Variants in LCLAT1 observed in about 807,000 individuals in gnomAD.
LCLAT1 encodes the protein lysocardiolipin acyltransferase 1.
A neutral mutation model predicts 30.7 loss-of-function variants in LCLAT1; 11 were observed. The ratio of observed to expected loss-of-function variants is 0.36; its 90% CI spans 0.23 to 0.59. The LOEUF (loss-of-function observed/expected upper bound fraction) is 0.59. Among genes scored for constraint, LCLAT1 ranks in the 20% least tolerant of loss-of-function variants. The pLI is 0.77. For synonymous variants in LCLAT1, 155 were observed against 151.3 expected (o/e 1.02, Z -0.18); for missense variants, 402 against 458.6 (o/e 0.88, Z 1.13).
At chr2:30,459,595 A>C (rs775008421) in intron 1 of LCLAT1, 7 of 1,564,576 alleles carry the variant, frequency 4.5e-6, no homozygotes, top group Non-Finnish European at 6.2e-6. Context: ...AGCTGGCAAC[A>C]AATGGATGAT....
chr2:30,620,559 A>G (rs1444699467), intron 5 of LCLAT1, among the ~76,000 whole-genome samples: 10 of 152,328 alleles, frequency 6.6e-5, no homozygotes, highest in Non-Finnish European at 1.2e-4. Flanking sequence ...TCCATTTTGC[A>G]TATAGCTATT....
intron 3 of LCLAT1, among the ~76,000 whole-genome samples, chr2:30,549,145 C>G (rs1489655491): frequency 6.6e-6 from 1 of 152,176 alleles, no homozygotes; most frequent in Non-Finnish European, 1.5e-5. Context: ...CTGAACAGAG[C>G]TGAAGCCCTG....
intron 3 of LCLAT1, among the ~76,000 whole-genome samples, chr2:30,539,248 CTTTTTTTTTT>C (rs72012748): frequency 2.2e-5 from 2 of 90,874 alleles, no homozygotes; most frequent in African/African-American, 9.6e-5. Flanking sequence ...CGCGCCAGGC[CTTTTTTTTTT>C]TTTTTTTTTT....
intron 1 of LCLAT1, among the ~76,000 whole-genome samples, chr2:30,524,363 G>T (rs1309904937): frequency 1.3e-5 from 2 of 152,132 alleles, no homozygotes; most frequent in African/African-American, 2.4e-5. Flanking sequence ...CTAATATAAA[G>T]AATTAATATT....
At chr2:30,512,323 ACTC>A (rs1264534518) in intron 1 of LCLAT1, among the ~76,000 whole-genome samples, 3 of 151,874 alleles carry the variant, frequency 2.0e-5, no homozygotes, top group Non-Finnish European at 4.4e-5. Context: ...ATGCTTTGTA[ACTC>A]CTCATTTTCC....
rs536815234 is a variant in LCLAT1 at position 30,601,318 on chromosome 2, G to T, written c.628+33142G>T. Among the ~76,000 whole-genome samples, 3 of 152,216 alleles carry T rather than the reference G, an allele frequency of 2.0e-5. No individual in the cohort carries two copies. In the South Asian group the frequency reaches 6.2e-4, roughly 32 times the overall value. On this transcript the variant is annotated intron_variant, in intron 5 of 5. Coordinates refer to ENST00000379509, the MANE Select transcript of LCLAT1 (RefSeq NM_001002257.3). ...GGTTTCAAATAATCTGTATAGTTTT[G>T]CAAAAGAGCTCCTGAATTTTGGGAT...
At chr2:30,527,116 T>C (rs1424888231) in intron 2 of LCLAT1, among the ~76,000 whole-genome samples, 1 of 152,208 alleles carries the variant, frequency 6.6e-6, no homozygotes, top group Non-Finnish European at 1.5e-5. Context: ...CACAAGTAGA[T>C]ACTTCTAAAA....
chr2:30,585,916 C>T (rs1201707015), intron 5 of LCLAT1, among the ~76,000 whole-genome samples: 2 of 152,114 alleles, frequency 1.3e-5, no homozygotes, highest in African/African-American at 4.8e-5. Context: ...TATTAATTTT[C>T]TAGGGCTGCT....
chr2:30,587,615 T>C (rs550418457), intron 5 of LCLAT1, among the ~76,000 whole-genome samples: 21 of 152,350 alleles, frequency 1.4e-4, no homozygotes, highest in Non-Finnish European at 2.6e-4. Flanking sequence ...ATTATCTAAT[T>C]TGATTTTTCA....
At position 30,504,052 on chromosome 2, in the gene LCLAT1, T is replaced by C. The variant is rs560315722; in HGVS notation, c.-4-21535T>C. ...AGTTGTGAGCAGAGAAAATTTCTGC[T>C]AGAACTTTCTTCATGCTTAAGGGAC... On this transcript the variant is annotated intron_variant, in intron 1 of 5. Transcript: ENST00000379509. Among the ~76,000 whole-genome samples the C allele has an allele frequency of 7.3e-4, 111 of 152,014 alleles. 1 individual carries two copies. The highest frequency in any genetic ancestry group is 2.5e-3 in the African/African-American group (102 of 41,482).
At chr2:30,494,693 C>T (rs1478786592) in intron 1 of LCLAT1, among the ~76,000 whole-genome samples, 1 of 150,374 alleles carries the variant, frequency 6.7e-6, no homozygotes, top group African/African-American at 2.4e-5. Context: ...TTTTAAACGT[C>T]TGCAGTAGCT....
chr2:30,529,205 C>G (rs1685874894), intron 2 of LCLAT1, among the ~76,000 whole-genome samples: 1 of 152,124 alleles, frequency 6.6e-6, no homozygotes, highest in Non-Finnish European at 1.5e-5. Flanking sequence ...ACAAAATGAT[C>G]TTCTCTTTCA....
chr2:30,560,407 C>T (rs1165711131), intron 3 of LCLAT1, among the ~76,000 whole-genome samples: 6 of 151,920 alleles, frequency 3.9e-5, no homozygotes, highest in Admixed American at 6.6e-5. Context: ...GGTACGATCT[C>T]AGCTCACTGC....
At chr2:30,481,823 A>G (rs1057015712) in intron 1 of LCLAT1, among the ~76,000 whole-genome samples, 4 of 152,206 alleles carry the variant, frequency 2.6e-5, no homozygotes, top group Non-Finnish European at 4.4e-5. Flanking sequence ...GCTACCCCAG[A>G]GTATTCGAGG....
chr2:30,546,422 A>G (rs1664414732), intron 3 of LCLAT1, among the ~76,000 whole-genome samples: 1 of 152,172 alleles, frequency 6.6e-6, no homozygotes, highest in Admixed American at 6.5e-5. Context: ...CTCAGTTACA[A>G]TGTGTTGTTT....
At chr2:30,556,288 T>C (rs1664915123) in intron 3 of LCLAT1, among the ~76,000 whole-genome samples, 2 of 152,210 alleles carry the variant, frequency 1.3e-5, no homozygotes, top group South Asian at 4.1e-4. Context: ...CATGTAATTT[T>C]TTCATATCAT....
chr2:30,619,562 T>TG (rs994263752), intron 5 of LCLAT1, among the ~76,000 whole-genome samples: 7 of 152,242 alleles, frequency 4.6e-5, no homozygotes, highest in African/African-American at 1.7e-4. Context: ...AAAGAATTTC[T>TG]GGTTGTTTTC....
chr2:30,596,529 A>C (rs1464622078), intron 5 of LCLAT1, among the ~76,000 whole-genome samples: 1 of 149,630 alleles, frequency 6.7e-6, no homozygotes, highest in Non-Finnish European at 1.5e-5. Flanking sequence ...TTTCTTGTTG[A>C]CTCTGAGTAT....
In LCLAT1 at chr2:30,598,990, T is replaced by TTTTG. The variant is rs200703603; in HGVS notation, c.628+30819_628+30822dup. On this transcript the variant is annotated intron_variant, in intron 5 of 5. Coordinates refer to ENST00000379509, the MANE Select transcript of LCLAT1 (RefSeq NM_001002257.3). Reference sequence around the variant, plus strand: ...AGTTTCTTTTTTTTTTTCTTTTCTTTTTTGTTTGAGATAGATAGAGTCTCA... The same window carrying TTTTG: ...AGTTTCTTTTTTTTTTTCTTTTCTTTTTTGTTTGTTTGAGATAGATAGAGTCTCA... 8.2e-3 allele frequency among the ~76,000 whole-genome samples: 972 copies of TTTTG among 118,568 alleles called. 11 individuals are homozygous for TTTTG. The highest frequency in any genetic ancestry group is 0.027 in the African/African-American group (925 of 34,880). The allele number at this position is 118,568 out of a possible 152,430, so 77.8% of individuals were successfully genotyped here. A position where few individuals can be genotyped will look rare whatever the true frequency, so the allele number is the denominator to read the frequency against.
Sources: gnomAD v4.1 joint callset for allele counts (sites outside exome capture counted in the v4.1 genomes callset) on GRCh38, gnomAD v4.1.1 for gene constraint, MANE v1.5 for transcripts, NCBI Gene and HGNC (gene_info 2026-07-23, HGNC 2026-07-21) for gene names.